The following MCRIP1 variants were observed in gnomAD, a reference collection of about 807,000 sequenced individuals.
MCRIP1 encodes MAPK regulated corepressor interacting protein 1.
Under a neutral mutation model 14.4 loss-of-function variants are expected in MCRIP1, and 10 were observed. The observed-to-expected ratio is 0.70, with a 90% confidence interval of 0.43 to 1.18. MCRIP1 has a LOEUF of 1.18. Ranked by LOEUF, MCRIP1 falls within the 50% of genes most tolerant of loss-of-function variation. MCRIP1 has a pLI of 0.00. For synonymous variants in MCRIP1, 53 were observed against 55.7 expected (o/e 0.95, Z 0.21); for missense variants, 119 against 135.4 (o/e 0.88, Z 0.60).
chr17:81,823,328 C>G lies in MCRIP1; in HGVS notation c.230-17G>C. Reference sequence around the variant, plus strand: ...GCTTGAAGGCTGCCAGGGGACAACGCGGTAGGTGGTGGGCACAGGCCCCTC... The same window carrying G: ...GCTTGAAGGCTGCCAGGGGACAACGGGGTAGGTGGTGGGCACAGGCCCCTC... On this transcript the variant is annotated splice_polypyrimidine_tract_variant and intron_variant, in intron 4 of 4. Transcript: ENST00000455127. This position sits in a 1 kb window ranked among gnomAD's most constrained non-coding sequence, Gnocchi z 6.0. 6.5e-7 allele frequency: 1 copy of G among 1,536,878 alleles called. No individual in the cohort carries two copies. Among genetic ancestry groups the G allele is most frequent in the Non-Finnish European group, 8.7e-7 (1 of 1,146,754 alleles).
intron 1 of MCRIP1, chr17:81,826,105 G>T (rs754038606): frequency 2.0e-6 from 3 of 1,479,666 alleles, no homozygotes; most frequent in Admixed American, 4.1e-5. Context: ...CCTTTATGCA[G>T]CCACACCTTT....
intron 1 of MCRIP1, chr17:81,826,486 G>A: frequency 2.2e-6 from 2 of 906,242 alleles, no homozygotes; most frequent in South Asian, 3.2e-5. Context: ...TCGTGGCACT[G>A]CACTCCAGCC....
intron 1 of MCRIP1, among the ~76,000 whole-genome samples, chr17:81,828,197 G>T (rs1001975523): frequency 2.6e-5 from 4 of 152,024 alleles, no homozygotes; most frequent in African/African-American, 9.7e-5. Flanking sequence ...TCCCAGACAC[G>T]AAGAGCCCTT....
chr17:81,824,207 C>T lies in MCRIP1; in HGVS notation c.127+80G>A, dbSNP rs962209923. The T allele has an allele frequency of 3.7e-5, 44 of 1,188,934 alleles. No individual in the cohort carries two copies. The East Asian group carries it at 8.9e-4, about 24-fold the overall frequency. 73.6% of individuals were successfully genotyped at this position (1,188,934 alleles called of 1,614,324 possible). A position where few individuals can be genotyped will look rare whatever the true frequency, so the allele number is the denominator to read the frequency against. ...GGGGCAGGGGCCGCAGGAGGTTCCT[C>T]GGAGCGTGGGTCCTGGGCTGGGGGC... is the stretch of plus-strand genomic sequence containing the variant. On this transcript the variant is annotated intron_variant, in intron 3 of 4. Transcript: ENST00000455127.
intron 1 of MCRIP1, chr17:81,826,494 G>C: frequency 2.5e-6 from 2 of 801,608 alleles, no homozygotes; most frequent in Non-Finnish European, 3.9e-6. Flanking sequence ...CTGCACTCCA[G>C]CCCAGGCAAC....
intron 1 of MCRIP1, among the ~76,000 whole-genome samples, chr17:81,827,492 C>T (rs2038432436): frequency 6.6e-6 from 1 of 151,692 alleles, no homozygotes; most frequent in Non-Finnish European, 1.5e-5. Context: ...AGGATGGTCT[C>T]GATCTCCTGA....
chr17:81,829,626 A>G (rs1486238177), intron 1 of MCRIP1, among the ~76,000 whole-genome samples: 1 of 152,200 alleles, frequency 6.6e-6, no homozygotes, highest in Non-Finnish European at 1.5e-5. Context: ...AATGTACTGT[A>G]AAATATAGCG....
chr17:81,824,575 G>A, intron 1 of MCRIP1, 21 bp from the exon 2 acceptor site: 2 of 1,535,862 alleles, frequency 1.3e-6, no homozygotes, highest in Non-Finnish European at 1.7e-6. Context: ...AGCCAGCGCA[G>A]GCATGGGACG....
In MCRIP1 at chr17:81,828,337, C is replaced by T. The variant is rs143340089; in HGVS notation, c.-48-3783G>A. Among the ~76,000 whole-genome samples the T allele has an allele frequency of 1.1e-3, 159 of 148,908 alleles. 1 individual carries two copies. Among genetic ancestry groups the T allele is most frequent in the Non-Finnish European group, 1.5e-4 (10 of 67,668 alleles). On this transcript the variant is annotated intron_variant, in intron 1 of 4. Transcript: ENST00000455127. ...GCCAGCAGTTCCAAGAGGCCAGGGG[C>T]CTGCTGTCCCCCTGGAAGCACAATA...
chr17:81,824,297 G>C lies in MCRIP1; in HGVS notation c.117C>G (p.Phe39Leu). 6.5e-7 allele frequency: 1 copy of C among 1,536,012 alleles called. No individual in the cohort carries two copies. The highest frequency in any genetic ancestry group is 8.7e-7 in the Non-Finnish European group (1 of 1,146,472). ...GGCAGGCGCACCCACCTTCGTAAAT[G>C]AAGCGGACGTTCTCCTCGTGGGCTG... ...FTPAHEENVR[F>L]IYEAWQGVER... The change falls in exon 3 of 5, where the codon TTC (phenylalanine) becomes TTG (leucine). Residue 39 changes from phenylalanine (F) to leucine (L), a missense_variant. Phe to Leu is a conservative substitution (Grantham distance 22, BLOSUM62 0). Transcript: ENST00000455127.
At chr17:81,824,842 G>A in intron 1 of MCRIP1, 3 of 1,304,852 alleles carry the variant, frequency 2.3e-6, no homozygotes, top group Non-Finnish European at 2.9e-6. Flanking sequence ...CTCAGGCTCA[G>A]ACGTGGAGGC....
Position 81,823,175 on chromosome 17 carries a change from G to A in MCRIP1, c.*72C>T. On this transcript the variant is annotated 3_prime_UTR_variant, in exon 5 of 5. Coordinates refer to ENST00000455127, the MANE Select transcript of MCRIP1 (RefSeq NM_207368.5). This position sits in a 1 kb window ranked among gnomAD's most constrained non-coding sequence, Gnocchi z 6.0. ...CAAGGCACCCCCATCCCAGGGGCAG[G>A]ACCACAGGACAGGAGGGAACCGACA... 3.5e-6 allele frequency: 5 copies of A among 1,438,196 alleles called. No homozygotes were observed. The highest frequency in any genetic ancestry group is 4.7e-6 in the Non-Finnish European group (5 of 1,059,208). The allele number at this position is 1,438,196 out of a possible 1,614,324, so 89.1% of individuals were successfully genotyped here.
rs2038453774 is a variant in MCRIP1 at position 81,828,341 on chromosome 17, C to T, written c.-48-3787G>A. 4.0e-5 allele frequency among the ~76,000 whole-genome samples: 6 copies of T among 151,062 alleles called. No individual in the cohort carries two copies. In the South Asian group the frequency reaches 1.3e-3, roughly 32 times the overall value. ...GCAGTTCCAAGAGGCCAGGGGCCTG[C>T]TGTCCCCCTGGAAGCACAATAAACG... On this transcript the variant is annotated intron_variant, in intron 1 of 4. Coordinates refer to ENST00000455127, the MANE Select transcript of MCRIP1 (RefSeq NM_207368.5).
At chr17:81,832,436 G>A (rs987410667) in intron 1 of MCRIP1, among the ~76,000 whole-genome samples, 3 of 152,118 alleles carry the variant, frequency 2.0e-5, no homozygotes, top group African/African-American at 4.8e-5. Flanking sequence ...CCCAAATCCA[G>A]CCCTGTTGGC....
At position 81,823,173 on chromosome 17, in the gene MCRIP1, A is replaced by G. The variant is rs1002189621; in HGVS notation, c.*74T>C. ...AGCAAGGCACCCCCATCCCAGGGGC[A>G]GGACCACAGGACAGGAGGGAACCGA... On this transcript the variant is annotated 3_prime_UTR_variant, in exon 5 of 5. Transcript: ENST00000455127. This position sits in a 1 kb window ranked among gnomAD's most constrained non-coding sequence, Gnocchi z 6.0. 3 of 1,418,606 alleles carry G rather than the reference A, an allele frequency of 2.1e-6. No individual in the cohort carries two copies. Among genetic ancestry groups the G allele is most frequent in the Admixed American group, 3.9e-5 (2 of 50,782 alleles). The allele number at this position is 1,418,606 out of a possible 1,614,324, so 87.9% of individuals were successfully genotyped here.
chr17:81,823,011 G>A lies in MCRIP1; in HGVS notation c.*236C>T. The A allele has an allele frequency of 1.7e-6, 1 of 600,536 alleles. No individual in the cohort carries two copies. The highest frequency in any genetic ancestry group is 2.0e-5 in the South Asian group (1 of 50,126). The allele number at this position is 600,536 out of a possible 1,614,324, so 37.2% of individuals were successfully genotyped here. ...AAATGCAGCCAGGTGGCTGGGGGAG[G>A]GCAGGAGGGTGGGCAGGGCCCAGAC... On this transcript the variant is annotated 3_prime_UTR_variant, in exon 5 of 5. Transcript: ENST00000455127. The surrounding 1 kb of genome is among the most constrained non-coding windows in gnomAD (Gnocchi z 6.0).
chr17:81,824,763 G>A, intron 1 of MCRIP1: 3 of 1,422,204 alleles, frequency 2.1e-6, no homozygotes, highest in Non-Finnish European at 2.7e-6. Context: ...CAGAGAGCTG[G>A]CCAGACGAGC....
chr17:81,826,482 C>T, intron 1 of MCRIP1: 1 of 949,104 alleles, frequency 1.1e-6, no homozygotes, highest in South Asian at 1.6e-5. Flanking sequence ...AAGATCGTGG[C>T]ACTGCACTCC....
intron 1 of MCRIP1, chr17:81,826,142 G>A: frequency 1.3e-5 from 20 of 1,488,420 alleles, no homozygotes; most frequent in Non-Finnish European, 1.8e-5. Flanking sequence ...GCTGGGTTCG[G>A]TTGTCACTCC....
Sources: gnomAD v4.1 joint callset for allele counts (sites outside exome capture counted in the v4.1 genomes callset) on GRCh38, gnomAD v4.1.1 for gene constraint, Gnocchi (gnomAD v3.1) non-coding constraint, MANE v1.5 for transcripts, NCBI Gene and HGNC (gene_info 2026-07-23, HGNC 2026-07-21) for gene names.